Variants in P3H2 observed in about 807,000 individuals in gnomAD.
The protein encoded by P3H2 is leprecan-like 1.
P3H2 carries 80 observed loss-of-function variants against 87.0 expected under a neutral mutation model. The observed-to-expected ratio is 0.92, with a 90% CI of 0.77 to 1.11. The LOEUF is 1.11. Among genes scored for constraint, P3H2 ranks in the 50% least tolerant of loss-of-function variants. P3H2 has a pLI of 0.00. For missense variants in P3H2, 1,001 were observed against 923.9 expected (o/e 1.08, Z -1.08); for synonymous variants, 367 against 359.3 (o/e 1.02, Z -0.24).
At chr3:190,076,468 A>T (rs1365390031) in intron 1 of P3H2, among the ~76,000 whole-genome samples, 1 of 152,164 alleles carries the variant, frequency 6.6e-6, no homozygotes, top group Non-Finnish European at 1.5e-5. Flanking sequence ...TGAGGCAGCT[A>T]TTACTACAGC....
At chr3:189,981,053 C>A (rs1723519055) in intron 8 of P3H2, among the ~76,000 whole-genome samples, 1 of 152,224 alleles carries the variant, frequency 6.6e-6, no homozygotes, top group Admixed American at 6.5e-5. Context: ...CCATGGAGGG[C>A]ATGGAAGCTC....
In P3H2 at chr3:189,987,671, T is replaced by G; in HGVS notation, c.956-2A>C. Reference sequence around the variant, plus strand: ...CCAGGGCTTTCACATACTCACCAACTGAAAGACAAAGGAGTTGCAGCATTA... The same window carrying G: ...CCAGGGCTTTCACATACTCACCAACGGAAAGACAAAGGAGTTGCAGCATTA... On this transcript the variant is annotated splice_acceptor_variant, in intron 4 of 14. Coordinates refer to ENST00000319332, the MANE Select transcript of P3H2 (RefSeq NM_018192.4). LOFTEE classifies it high-confidence loss of function. The G allele has an allele frequency of 2.5e-6, 4 of 1,613,786 alleles. No homozygotes were observed. Among genetic ancestry groups the G allele is most frequent in the Non-Finnish European group, 3.4e-6 (4 of 1,179,906 alleles).
chr3:189,961,230 C>G (rs1172679064), intron 14 of P3H2, among the ~76,000 whole-genome samples: 1 of 152,164 alleles, frequency 6.6e-6, no homozygotes, highest in Non-Finnish European at 1.5e-5. Flanking sequence ...ACTGAGCCAC[C>G]GTGCCCGGCC....
At chr3:190,058,485 G>T (rs887994913) in intron 1 of P3H2, among the ~76,000 whole-genome samples, 5 of 152,176 alleles carry the variant, frequency 3.3e-5, no homozygotes, top group African/African-American at 9.6e-5. Flanking sequence ...GTTGTAAAAT[G>T]GAATGGGGAG....
At chr3:190,046,115 T>C (rs752108742) in intron 1 of P3H2, among the ~76,000 whole-genome samples, 29 of 102,206 alleles carry the variant, frequency 2.8e-4, no homozygotes, top group Non-Finnish European at 4.3e-4. Flanking sequence ...AGAGCAAGAC[T>C]CCATCTCAAA....
At position 190,053,941 on chromosome 3, in the gene P3H2, A is replaced by G. The variant is rs192154084; in HGVS notation, c.481-58499T>C. Among the ~76,000 whole-genome samples, 276 of 152,310 alleles carry G rather than the reference A, an allele frequency of 1.8e-3. 2 individuals carry two copies. The highest frequency in any genetic ancestry group is 6.3e-3 in the African/African-American group (263 of 41,554). On this transcript the variant is annotated intron_variant, in intron 1 of 14. Coordinates refer to ENST00000319332, the MANE Select transcript of P3H2 (RefSeq NM_018192.4). ...CTGTAGCTTCTACACATAGGTCTACAATCTATTGAGGTTTTTTTATATCAA... is the reference window on the plus strand; with the variant it reads ...CTGTAGCTTCTACACATAGGTCTACGATCTATTGAGGTTTTTTTATATCAA...
intron 1 of P3H2, among the ~76,000 whole-genome samples, chr3:190,100,770 G>C (rs1711597804): frequency 6.6e-6 from 1 of 152,110 alleles, no homozygotes; most frequent in African/African-American, 2.4e-5. Flanking sequence ...ATCAAGTGCA[G>C]AAAATGGTGT....
At chr3:190,084,551 T>G (rs999499911) in intron 1 of P3H2, among the ~76,000 whole-genome samples, 19 of 152,218 alleles carry the variant, frequency 1.2e-4, no homozygotes, top group African/African-American at 4.3e-4. Flanking sequence ...GCAGACTTAA[T>G]AATAAATTAA....
In P3H2 at chr3:189,994,218, G is replaced by A. The variant is rs114077778; in HGVS notation, c.699C>T (p.Phe233=). The A allele has an allele frequency of 9.3e-6, 15 of 1,613,696 alleles. No individual in the cohort carries two copies. The highest frequency in any genetic ancestry group is 4.0e-5 in the African/African-American group (3 of 74,960). The change falls in exon 3 of 15, where the codon TTC becomes TTT. Residue 233 remains phenylalanine (F), a synonymous_variant. Coordinates refer to ENST00000319332, the MANE Select transcript of P3H2 (RefSeq NM_018192.4). ...ADDFEMAIRH[F]EQALREYFVE... ...CGAAATATTCTCTTAAGGCTTGTTC[G>A]AAGTGCCTGATAGCCATCTCAAAGT...
intron 1 of P3H2, among the ~76,000 whole-genome samples, chr3:190,028,663 C>T (rs1217713544): frequency 7.5e-6 from 1 of 133,462 alleles, no homozygotes; most frequent in African/African-American, 2.9e-5. Flanking sequence ...AAATTCTGTG[C>T]TTCTTAGATG....
chr3:190,093,280 A>G (rs953288450), intron 1 of P3H2, among the ~76,000 whole-genome samples: 1 of 152,222 alleles, frequency 6.6e-6, no homozygotes, highest in African/African-American at 2.4e-5. Flanking sequence ...GGAGTGCTGT[A>G]AAGCTTGACA....
At chr3:189,985,150 G>A (rs1364984501) in intron 6 of P3H2, among the ~76,000 whole-genome samples, 1 of 151,636 alleles carries the variant, frequency 6.6e-6, no homozygotes, top group Non-Finnish European at 1.5e-5. Context: ...CACGGCATAA[G>A]AAATGAAAAA....
chr3:190,094,065 A>G (rs1727495541), intron 1 of P3H2, among the ~76,000 whole-genome samples: 1 of 152,240 alleles, frequency 6.6e-6, no homozygotes, highest in Non-Finnish European at 1.5e-5. Flanking sequence ...ATTGATATAG[A>G]GCAATAGGTG....
At chr3:190,091,043 G>A (rs1407075388) in intron 1 of P3H2, among the ~76,000 whole-genome samples, 1 of 152,074 alleles carries the variant, frequency 6.6e-6, no homozygotes, top group Non-Finnish European at 1.5e-5. Context: ...GCCAACACAG[G>A]TATTCAGTCT....
At chr3:190,121,254 T>C (rs1712576404), upstream of P3H2, among the ~76,000 whole-genome samples, 1 of 151,902 alleles carries the variant, frequency 6.6e-6, no homozygotes, top group Non-Finnish European at 1.5e-5. Flanking sequence ...TGGAGCGCCA[T>C]TTCAGACTGA....
intron 4 of P3H2, among the ~76,000 whole-genome samples, 177 bp downstream of exon 4, chr3:189,988,730 T>A (rs1723784072): frequency 6.6e-6 from 1 of 152,182 alleles, no homozygotes; most frequent in African/African-American, 2.4e-5. Context: ...ACTTTGCCCA[T>A]TGGTGATATC....
At chr3:190,056,607 G>T (rs1726162521) in intron 1 of P3H2, among the ~76,000 whole-genome samples, 1 of 152,178 alleles carries the variant, frequency 6.6e-6, no homozygotes, top group South Asian at 2.1e-4. Flanking sequence ...TGATAATCTG[G>T]ATTAATCCAT....
chr3:190,061,823 T>A (rs1466134437), intron 1 of P3H2, among the ~76,000 whole-genome samples: 1 of 152,164 alleles, frequency 6.6e-6, no homozygotes, highest in Non-Finnish European at 1.5e-5. Flanking sequence ...CAAGCATGAA[T>A]TCAAATCCTA....
Position 190,120,486 on chromosome 3 carries a change from C to A in P3H2, c.246G>T (p.Thr82=). 6.2e-6 allele frequency: 9 copies of A among 1,445,826 alleles called. No individual in the cohort carries two copies. Among genetic ancestry groups the A allele is most frequent in the Non-Finnish European group, 8.1e-6 (9 of 1,106,402 alleles). 89.6% of individuals were successfully genotyped at this position (1,445,826 alleles called of 1,614,324 possible). ...GCGCCGCGCAGTGGCGGGCACAGCGCGTGCGGATTTCCCGCAGGCGCCGGT... is the reference window on the plus strand; with the variant it reads ...GCGCCGCGCAGTGGCGGGCACAGCGAGTGCGGATTTCCCGCAGGCGCCGGT... ...RSHRRLREIR[T]RCARHCAARH... Residue 82 remains threonine, a synonymous_variant, in exon 1 of 15, where the codon ACG becomes ACT. Coordinates refer to ENST00000319332, the MANE Select transcript of P3H2 (RefSeq NM_018192.4).
Sources: allele counts gnomAD v4.1 joint callset (sites outside exome capture counted in the v4.1 genomes callset), GRCh38; gene constraint gnomAD v4.1.1; transcripts MANE v1.5; gene names NCBI Gene and HGNC (gene_info 2026-07-23, HGNC 2026-07-21).